ROBO2: variants seen among roughly 807,000 people sequenced by gnomAD.
ROBO2 encodes the protein roundabout homolog 2.
In ROBO2, 53 loss-of-function variants were observed where a neutral mutation model predicts 160.8. That is an observed-to-expected ratio of 0.33 (90% CI 0.26 to 0.41). ROBO2 has a LOEUF of 0.41. Ranked by LOEUF, ROBO2 falls within the 10% of genes least tolerant of loss-of-function variation. ROBO2 has a pLI of 1.00. For missense variants in ROBO2, 1,577 were observed against 1,722.4 expected (o/e 0.92, Z 1.49); for synonymous variants, 664 against 611.7 (o/e 1.09, Z -1.26).
chr3:76,197,400 A>G (rs1022389022), intron 2 of ROBO2, among the ~76,000 whole-genome samples: 8 of 142,294 alleles, frequency 5.6e-5, no homozygotes, highest in East Asian at 4.4e-4. Context: ...GAGCTAATCA[A>G]TCTCTCTATA....
intron 1 of ROBO2, among the ~76,000 whole-genome samples, chr3:77,045,411 A>G (rs1249872719): frequency 6.6e-6 from 1 of 152,172 alleles, no homozygotes; most frequent in Non-Finnish European, 1.5e-5. Flanking sequence ...TGCCCTAATC[A>G]TTGCATGGAG....
At chr3:76,826,257 T>C (rs1251873476) in intron 2 of ROBO2, among the ~76,000 whole-genome samples, 1 of 152,120 alleles carries the variant, frequency 6.6e-6, no homozygotes. Flanking sequence ...AATTGCCATG[T>C]AGATAGAATA....
intron 2 of ROBO2, among the ~76,000 whole-genome samples, chr3:76,069,216 C>A (rs1271351220): frequency 1.3e-5 from 2 of 152,132 alleles, no homozygotes; most frequent in Non-Finnish European, 2.9e-5. Context: ...TTATTATTTG[C>A]AAAATTGACT....
At chr3:76,203,424 CATA>C (rs1191945379) in intron 2 of ROBO2, among the ~76,000 whole-genome samples, 1 of 136,578 alleles carries the variant, frequency 7.3e-6, no homozygotes, top group Admixed American at 7.3e-5. Flanking sequence ...CGGCTTCCCC[CATA>C]ATTTCTTCTC....
At chr3:76,757,441 T>C (rs1408501512) in intron 2 of ROBO2, among the ~76,000 whole-genome samples, 1 of 151,764 alleles carries the variant, frequency 6.6e-6, no homozygotes, top group Non-Finnish European at 1.5e-5. Flanking sequence ...AGTTACAGGG[T>C]TTTCGTGTGG....
intron 1 of ROBO2, among the ~76,000 whole-genome samples, chr3:77,062,806 T>C (rs1170013878): frequency 6.6e-6 from 1 of 152,124 alleles, no homozygotes; most frequent in Non-Finnish European, 1.5e-5. Flanking sequence ...TTGATTTGAG[T>C]GGAAAATTCC....
At chr3:77,024,137 A>C (rs1208759145) in intron 2 of ROBO2, among the ~76,000 whole-genome samples, 2 of 152,206 alleles carry the variant, frequency 1.3e-5, no homozygotes. Flanking sequence ...GCTATCTTAC[A>C]TTCTTAGCAT....
chr3:76,775,097 GA>G (rs1230661332), intron 2 of ROBO2, among the ~76,000 whole-genome samples: 1 of 150,598 alleles, frequency 6.6e-6, no homozygotes, highest in African/African-American at 2.4e-5. Context: ...TTTCTAAAAT[GA>G]AGGAAAATTT....
chr3:76,846,747 T>A (rs1262833016), intron 2 of ROBO2, among the ~76,000 whole-genome samples: 5 of 152,122 alleles, frequency 3.3e-5, no homozygotes, highest in African/African-American at 1.2e-4. Context: ...CATTTTAACT[T>A]AGAAGTTTAA....
intron 2 of ROBO2, among the ~76,000 whole-genome samples, chr3:76,169,051 C>G (rs1306412772): frequency 6.6e-6 from 1 of 151,974 alleles, no homozygotes; most frequent in African/African-American, 2.4e-5. Flanking sequence ...AAAACTTGAA[C>G]AGTTCCTGAG....
At chr3:76,631,293 G>C (rs1041156818) in intron 2 of ROBO2, among the ~76,000 whole-genome samples, 1 of 152,106 alleles carries the variant, frequency 6.6e-6, no homozygotes, top group Non-Finnish European at 1.5e-5. Context: ...GTTTAGGTTA[G>C]AAACAATCTT....
intron 2 of ROBO2, among the ~76,000 whole-genome samples, chr3:77,153,283 C>T (rs531839101): frequency 6.6e-6 from 1 of 152,090 alleles, no homozygotes; most frequent in South Asian, 2.1e-4. Flanking sequence ...GGTTATATGT[C>T]TATTCAGATT....
intron 2 of ROBO2, among the ~76,000 whole-genome samples, chr3:76,986,483 T>C (rs1419920911): frequency 6.6e-6 from 1 of 152,106 alleles, no homozygotes; most frequent in Non-Finnish European, 1.5e-5. Flanking sequence ...ATTGCCAGAA[T>C]GCCCAAGAAC....
intron 2 of ROBO2, among the ~76,000 whole-genome samples, chr3:76,736,628 A>C (rs2093717959): frequency 6.6e-6 from 1 of 152,210 alleles, no homozygotes; most frequent in Non-Finnish European, 1.5e-5. Context: ...AACATTTATA[A>C]ATAGAAGTAT....
At chr3:76,205,854 G>A (rs945976347) in intron 2 of ROBO2, among the ~76,000 whole-genome samples, 1 of 152,138 alleles carries the variant, frequency 6.6e-6, no homozygotes, top group African/African-American at 2.4e-5. Context: ...AGAAAAGGAA[G>A]CATTTCAGGG....
At chr3:75,925,403 GATAA>G (rs1209894401) in intron 1 of ROBO2, among the ~76,000 whole-genome samples, 1 of 152,028 alleles carries the variant, frequency 6.6e-6, no homozygotes, top group East Asian at 1.9e-4. Context: ...TCAATAAATA[GATAA>G]ATAAATAAAA....
chr3:77,515,205 T>C (rs919254788), intron 5 of ROBO2, among the ~76,000 whole-genome samples: 1 of 151,760 alleles, frequency 6.6e-6, no homozygotes, highest in African/African-American at 2.4e-5. Context: ...TAAATATTCA[T>C]AAAGGTATCA....
At chr3:76,485,795 G>A (rs1012496870) in intron 2 of ROBO2, among the ~76,000 whole-genome samples, 3 of 152,070 alleles carry the variant, frequency 2.0e-5, no homozygotes, top group Admixed American at 6.6e-5. Flanking sequence ...GCTTTGGTGT[G>A]CCCTCTGTAA....
intron 2 of ROBO2, among the ~76,000 whole-genome samples, chr3:76,962,299 A>T (rs2079724261): frequency 6.6e-6 from 1 of 151,292 alleles, no homozygotes; most frequent in South Asian, 2.1e-4. Flanking sequence ...CATACATTGC[A>T]CTCCAGCCTT....
Sources: allele counts gnomAD v4.1 joint callset (sites outside exome capture counted in the v4.1 genomes callset), GRCh38; gene constraint gnomAD v4.1.1; transcripts MANE v1.5; gene names NCBI Gene and HGNC (gene_info 2026-07-23, HGNC 2026-07-21).